GNE: variants seen among roughly 807,000 people sequenced by gnomAD.
The protein encoded by GNE is bifunctional UDP-N-acetylglucosamine 2-epimerase/N-acetylmannosamine kinase.
Under a neutral mutation model 61.8 loss-of-function variants are expected in GNE, and 41 were observed. The ratio of observed to expected loss-of-function variants is 0.66; its 90% CI spans 0.52 to 0.86. The LOEUF (loss-of-function observed/expected upper bound fraction) is 0.86, where lower values mean the gene tolerates loss of function less well. GNE is among the 40% of genes least tolerant of loss of function. GNE has a pLI of 0.00. For synonymous variants in GNE, 264 were observed against 326.4 expected (o/e 0.81, Z 2.06); for missense variants, 608 against 909.1 (o/e 0.67, Z 4.26).
At chr9:36,238,658 T>C (rs1829508005) in intron 3 of GNE, among the ~76,000 whole-genome samples, 1 of 152,240 alleles carries the variant, frequency 6.6e-6, no homozygotes, top group South Asian at 2.1e-4. Context: ...GTCAGATGTA[T>C]AGATTGTGAA....
chr9:36,228,924 GCT>G, intron 6 of GNE, 95 bp downstream of exon 6: 1 of 817,280 alleles, frequency 1.2e-6, no homozygotes, highest in Non-Finnish European at 2.2e-6. Context: ...AAGAAGGAAA[GCT>G]CTGTTAGGAT....
chr9:36,227,134 A>G (rs1048738084), intron 7 of GNE, 114 bp downstream of exon 7: 14 of 728,314 alleles, frequency 1.9e-5, no homozygotes, highest in East Asian at 1.6e-4. Context: ...CTATCAGCAA[A>G]TGATTACAAG....
intron 2 of GNE, among the ~76,000 whole-genome samples, chr9:36,248,296 C>T (rs1322240642): frequency 6.6e-6 from 1 of 151,182 alleles, no homozygotes; most frequent in East Asian, 2.0e-4. Context: ...ACGCCTTGTT[C>T]TCTCAGATTA....
At position 36,265,031 on chromosome 9, in the gene GNE, G is replaced by T. The variant is rs573059489; in HGVS notation, c.51+11863C>A. On this transcript the variant is annotated intron_variant, in intron 1 of 11. Transcript: ENST00000396594. ...TCGTTGTCCACCACTGCTGTTTGCC[G>T]CAGTCGCAGACCCGCCGCTGACTTC... is the stretch of plus-strand genomic sequence containing the variant. 1.8e-5 allele frequency: 5 copies of T among 277,968 alleles called. No homozygotes were observed. In the South Asian group the frequency reaches 2.3e-4, roughly 13 times the overall value. The allele number at this position is 277,968 out of a possible 1,614,324, so 17.2% of individuals were successfully genotyped here.
chr9:36,268,258 T>C (rs1395685287), intron 1 of GNE, among the ~76,000 whole-genome samples: 2 of 152,224 alleles, frequency 1.3e-5, no homozygotes, highest in African/African-American at 4.8e-5. Flanking sequence ...AAAGTTAAAT[T>C]GGCACAGCCA....
At chr9:36,263,980 G>A (rs569675065) in intron 1 of GNE, among the ~76,000 whole-genome samples, 1 of 152,270 alleles carries the variant, frequency 6.6e-6, no homozygotes, top group East Asian at 1.9e-4. Flanking sequence ...GGAAAATGGG[G>A]CACCTTAAAA....
At chr9:36,230,507 T>A (rs1032054273) in intron 5 of GNE, among the ~76,000 whole-genome samples, 1 of 151,484 alleles carries the variant, frequency 6.6e-6, no homozygotes, top group Non-Finnish European at 1.5e-5. Flanking sequence ...TCACCCTGGC[T>A]GGAGTGTAGT....
intron 1 of GNE, among the ~76,000 whole-genome samples, chr9:36,270,744 C>T (rs1830998050): frequency 6.6e-6 from 1 of 151,920 alleles, no homozygotes; most frequent in Non-Finnish European, 1.5e-5. Context: ...GTCTCGATCT[C>T]CTGACCTCGT....
At chr9:36,242,801 GTGGTGCAAT>G (rs1013295698) in intron 3 of GNE, among the ~76,000 whole-genome samples, 1 of 146,380 alleles carries the variant, frequency 6.8e-6, no homozygotes, top group Admixed American at 7.0e-5. Context: ...GTGGAGTGCA[GTGGTGCAAT>G]CTCGGCTCAC....
intron 3 of GNE, among the ~76,000 whole-genome samples, chr9:36,241,787 T>G (rs1829636729): frequency 6.6e-6 from 1 of 152,160 alleles, no homozygotes; most frequent in Admixed American, 6.6e-5. Flanking sequence ...AGCTGCAATG[T>G]TATATATGGC....
rs147714137 is a variant in GNE, at chr9:36,242,327, C to T, written c.616+3704G>A. Among the ~76,000 whole-genome samples, 24 of 148,484 alleles carry T rather than the reference C, an allele frequency of 1.6e-4. No homozygotes were observed. The East Asian group carries it at 4.7e-3, about 29-fold the overall frequency. ...CAATTTTAGCTGTTCTGTTGTCCTT[C>T]TTTCCATAAAGAACTGCTTAAATTG... On this transcript the variant is annotated intron_variant, in intron 3 of 11. Transcript: ENST00000642385.
chr9:36,217,379 G>C lies in GNE; in HGVS notation c.2155C>G (p.Arg719Gly). ...TTCCTGGAGGTCTAGTAGATCCTGC[G>C]TGTTGTGTAGTCCAGAACCATGCTG... The part of the protein sequence containing the change: ...AASMVLDYTT[R>G]RIY The change falls in exon 12 of 12, where the codon CGC (arginine) becomes GGC (glycine). Residue 719 changes from arginine (R) to glycine (G), a missense_variant. Coordinates refer to ENST00000642385, the MANE Select transcript of GNE (RefSeq NM_005476.7). The C allele has an allele frequency of 6.2e-7, 1 of 1,611,598 alleles. No homozygotes were observed. The highest frequency in any genetic ancestry group is 8.5e-7 in the Non-Finnish European group (1 of 1,177,780).
In GNE at chr9:36,215,999, T is replaced by C. The variant is rs1828254799; in HGVS notation, c.*1366A>G. The C allele has an allele frequency of 3.6e-6, 1 of 280,726 alleles. No individual in the cohort carries two copies. Among genetic ancestry groups the C allele is most frequent in the Non-Finnish European group, 7.2e-6 (1 of 139,362 alleles). The allele number at this position is 280,726 out of a possible 1,614,324, so 17.4% of individuals were successfully genotyped here. On this transcript the variant is annotated 3_prime_UTR_variant, in exon 12 of 12. Transcript: ENST00000642385. ...TGGCTTCTCAGCTGTCCTAAGAAGA[T>C]AAGGACAAGGTCACTAAGGCCACTG...
intron 9 of GNE, among the ~76,000 whole-genome samples, chr9:36,222,467 G>A (rs1015698444): frequency 6.6e-6 from 1 of 151,650 alleles, no homozygotes; most frequent in Admixed American, 6.6e-5. Flanking sequence ...AGTCTGTGCT[G>A]TCTAGGGCAA....
intron 6 of GNE, among the ~76,000 whole-genome samples, chr9:36,227,948 G>A (rs1204272536): frequency 6.7e-6 from 1 of 149,382 alleles, no homozygotes; most frequent in Non-Finnish European, 1.5e-5. Context: ...CAGGAGAACT[G>A]CTTGAACCCG....
chr9:36,249,617 G>A (rs1830036534), intron 1 of GNE, among the ~76,000 whole-genome samples: 1 of 151,984 alleles, frequency 6.6e-6, no homozygotes, highest in Non-Finnish European at 1.5e-5. Context: ...GGTGGCTTAC[G>A]CCTGTAATCC....
chr9:36,245,554 A>G (rs1175720475), intron 3 of GNE, among the ~76,000 whole-genome samples: 2 of 151,918 alleles, frequency 1.3e-5, no homozygotes. Context: ...CACGCTTGCA[A>G]TCCCACATAC....
At chr9:36,258,052 A>G in intron 1 of GNE, among the ~76,000 whole-genome samples, 1 of 152,188 alleles carries the variant, frequency 6.6e-6, no homozygotes, top group Non-Finnish European at 1.5e-5. Flanking sequence ...CCAGGGGACA[A>G]GTCAACCTGG....
At chr9:36,264,870 GC>G (rs1830718523) in intron 1 of GNE, 1 of 156,570 alleles carries the variant, frequency 6.4e-6, no homozygotes, top group Non-Finnish European at 1.4e-5. Flanking sequence ...AGGCATTCCA[GC>G]CGGCAACGGC....
Sources: gnomAD v4.1 joint callset for allele counts (sites outside exome capture counted in the v4.1 genomes callset) on GRCh38, gnomAD v4.1.1 for gene constraint, MANE v1.5 for transcripts, NCBI Gene and HGNC (gene_info 2026-07-23, HGNC 2026-07-21) for gene names.